PALM2AKAP2: variants seen among roughly 807,000 people sequenced by gnomAD.
The protein encoded by PALM2AKAP2 is PALM2 and AKAP2 fusion.
In PALM2AKAP2, 37 loss-of-function variants were observed where a neutral mutation model predicts 71.5. That is an observed-to-expected ratio of 0.52 (90% CI 0.40 to 0.68). The LOEUF (loss-of-function observed/expected upper bound fraction) is 0.68. Ranked by LOEUF, PALM2AKAP2 falls within the 30% of genes least tolerant of loss-of-function variation. The pLI is 0.00. For synonymous variants in PALM2AKAP2, 468 were observed against 478.8 expected, an observed-to-expected ratio of 0.98 and a Z score of 0.29; for missense variants, 1,224 against 1,191.8, an observed-to-expected ratio of 1.03 and a Z score of -0.40.
chr9:109,708,763 A>G (rs1023578299), intron 1 of PALM2AKAP2, among the ~76,000 whole-genome samples: 3 of 152,204 alleles, frequency 2.0e-5, no homozygotes, highest in Admixed American at 1.3e-4. Context: ...CAAAAATAAA[A>G]TTACCATGAG....
At chr9:109,917,541 TAC>T (rs1454344299) in intron 3 of PALM2AKAP2, among the ~76,000 whole-genome samples, 1 of 143,536 alleles carries the variant, frequency 7.0e-6, no homozygotes, top group Admixed American at 7.5e-5. Flanking sequence ...CAGACTGGAG[TAC>T]AGTGTTGTGA....
chr9:109,793,480 T>A (rs1423492235), intron 1 of PALM2AKAP2, among the ~76,000 whole-genome samples: 1 of 152,200 alleles, frequency 6.6e-6, no homozygotes, highest in African/African-American at 2.4e-5. Context: ...CACAACCAGA[T>A]CCTTCCCAGC....
chr9:109,913,330 T>A (rs891568706), intron 3 of PALM2AKAP2, among the ~76,000 whole-genome samples: 1 of 152,206 alleles, frequency 6.6e-6, no homozygotes, highest in East Asian at 1.9e-4. Context: ...TCTGATATAA[T>A]TCAGCTGGCA....
intron 1 of PALM2AKAP2, among the ~76,000 whole-genome samples, chr9:110,118,884 T>C (rs1031525485): frequency 2.0e-5 from 3 of 152,156 alleles, no homozygotes; most frequent in East Asian, 1.9e-4. Context: ...AATAAAAATA[T>C]GTACATATAA....
At chr9:109,787,073 G>A (rs1049036836) in intron 1 of PALM2AKAP2, among the ~76,000 whole-genome samples, 4 of 152,186 alleles carry the variant, frequency 2.6e-5, no homozygotes, top group Non-Finnish European at 5.9e-5. Context: ...GCACAGAGAC[G>A]GTGGTCCCAA....
chr9:110,109,139 G>C (rs1346556764), intron 1 of PALM2AKAP2, among the ~76,000 whole-genome samples: 1 of 151,900 alleles, frequency 6.6e-6, no homozygotes, highest in Non-Finnish European at 1.5e-5. Context: ...CCGACATGGA[G>C]AAACCCTGTC....
chr9:109,707,758 T>A (rs974064388), intron 1 of PALM2AKAP2, among the ~76,000 whole-genome samples: 15 of 152,202 alleles, frequency 9.9e-5, no homozygotes, highest in African/African-American at 3.6e-4. Flanking sequence ...TTTGATACAG[T>A]CAGCAAGGAA....
intron 1 of PALM2AKAP2, among the ~76,000 whole-genome samples, chr9:110,110,441 A>G (rs1161994036): frequency 2.0e-5 from 3 of 151,990 alleles, no homozygotes; most frequent in Admixed American, 2.0e-4. Context: ...GCTGGGGGTC[A>G]GATTACAGAC....
intron 1 of PALM2AKAP2, among the ~76,000 whole-genome samples, chr9:110,050,250 C>A (rs988942825): frequency 1.3e-5 from 2 of 152,202 alleles, no homozygotes; most frequent in African/African-American, 4.8e-5. Context: ...CTCTTCTATC[C>A]CAACTCCCGT....
At chr9:110,145,728 G>T (rs534105697) in intron 2 of PALM2AKAP2, among the ~76,000 whole-genome samples, 3 of 151,534 alleles carry the variant, frequency 2.0e-5, no homozygotes, top group Non-Finnish European at 4.4e-5. Context: ...AAAGGAATTG[G>T]TAAGAAAAGA....
chr9:109,711,524 C>A (rs930211839), intron 1 of PALM2AKAP2, among the ~76,000 whole-genome samples: 1 of 152,230 alleles, frequency 6.6e-6, no homozygotes, highest in African/African-American at 2.4e-5. Flanking sequence ...AAAACTACTT[C>A]AAGACGACAT....
intron 2 of PALM2AKAP2, among the ~76,000 whole-genome samples, chr9:109,868,723 T>A (rs897759698): frequency 6.6e-6 from 1 of 152,162 alleles, no homozygotes; most frequent in South Asian, 2.1e-4. Context: ...ACCAGAGAAA[T>A]GTGCTTAAAA....
intron 1 of PALM2AKAP2, among the ~76,000 whole-genome samples, chr9:109,757,111 A>T (rs73531207): frequency 1.4e-4 from 22 of 152,026 alleles, no homozygotes; most frequent in African/African-American, 5.3e-4. Flanking sequence ...CTTTATCCCC[A>T]CCTACCCTCA....
At chr9:109,785,542 T>G (rs1055431655) in intron 1 of PALM2AKAP2, among the ~76,000 whole-genome samples, 1 of 152,184 alleles carries the variant, frequency 6.6e-6, no homozygotes, top group African/African-American at 2.4e-5. Context: ...AATGGACTTA[T>G]AGTTCCACGT....
intron 3 of PALM2AKAP2, among the ~76,000 whole-genome samples, chr9:109,913,468 G>A (rs1223976411): frequency 6.6e-6 from 1 of 152,142 alleles, no homozygotes; most frequent in East Asian, 1.9e-4. Flanking sequence ...GAGATTTGGG[G>A]AGTAGAAGGG....
At chr9:109,672,399 C>G (rs1034563862) in intron 1 of PALM2AKAP2, among the ~76,000 whole-genome samples, 2 of 152,008 alleles carry the variant, frequency 1.3e-5, no homozygotes, top group African/African-American at 4.8e-5. Context: ...TGTGATGAAT[C>G]ACATTTATTA....
chr9:109,655,080 G>C (rs1587855570), intron 1 of PALM2AKAP2, among the ~76,000 whole-genome samples: 1 of 152,196 alleles, frequency 6.6e-6, no homozygotes, highest in Middle Eastern at 3.4e-3. Flanking sequence ...ACGAGGTCAG[G>C]AGATTGAGAC....
At chr9:110,027,138 G>A (rs1833195483) in intron 7 of PALM2AKAP2, among the ~76,000 whole-genome samples, 1 of 152,160 alleles carries the variant, frequency 6.6e-6, no homozygotes, top group South Asian at 2.1e-4. Flanking sequence ...AGATATTGCT[G>A]GTTACAAAAG....
intron 1 of PALM2AKAP2, among the ~76,000 whole-genome samples, chr9:110,133,663 C>T (rs1316765236): frequency 1.3e-5 from 2 of 152,154 alleles, no homozygotes; most frequent in African/African-American, 4.8e-5. Context: ...CACTACCCTC[C>T]GCCCACCCCG....
Sources: allele counts gnomAD v4.1 joint callset (sites outside exome capture counted in the v4.1 genomes callset), GRCh38; gene constraint gnomAD v4.1.1; transcripts MANE v1.5; gene names NCBI Gene and HGNC (gene_info 2026-07-23, HGNC 2026-07-21).